The following KCNK2 variants were observed in gnomAD, a reference collection of about 807,000 sequenced individuals.
KCNK2 encodes the protein potassium two pore domain channel subfamily K member 2, also known as potassium channel subfamily K member 2.
KCNK2 carries 21 observed loss-of-function variants against 40.5 expected under a neutral mutation model. The ratio of observed to expected loss-of-function variants is 0.52; its 90% CI spans 0.37 to 0.75. The LOEUF (loss-of-function observed/expected upper bound fraction) is 0.75, where lower values mean the gene tolerates loss of function less well. KCNK2 is among the 30% of genes least tolerant of loss of function. The probability of loss-of-function intolerance (pLI) is 0.00; values close to 1 mark genes in which losing one functional copy is unlikely to be tolerated. For synonymous variants in KCNK2, 191 were observed against 202.2 expected, an observed-to-expected ratio of 0.94 and a Z score of 0.47; for missense variants, 399 against 531.6, an observed-to-expected ratio of 0.75 and a Z score of 2.45.
At chr1:215,172,319 G>A in intron 5 of KCNK2, 136 bp downstream of exon 5, 1 of 736,104 alleles carries the variant, frequency 1.4e-6, no homozygotes, top group Non-Finnish European at 2.2e-6. Context: ...TAAAGTGGGT[G>A]GCTTTAAACA....
At chr1:215,085,765 A>G (rs1558083613) in intron 1 of KCNK2, among the ~76,000 whole-genome samples, 1 of 152,234 alleles carries the variant, frequency 6.6e-6, no homozygotes, top group Non-Finnish European at 1.5e-5. Context: ...CAAAAAGACA[A>G]GATTCGACCA....
At chr1:215,051,143 A>G (rs1416856015) in intron 1 of KCNK2, among the ~76,000 whole-genome samples, 4 of 152,150 alleles carry the variant, frequency 2.6e-5, no homozygotes, top group Admixed American at 2.6e-4. Flanking sequence ...AGGTGCAATC[A>G]TTTTATACCG....
At position 215,010,866 on chromosome 1, in the gene KCNK2, T is replaced by TGTG. The variant is rs1396386615; in HGVS notation, c.34+4911_34+4912insGTG. Reference sequence around the variant, plus strand: ...CAGGACACAGATTTTTTTTTTTTTTTTTTGTGTGTGTGTGTGTGTGTGTGT... The same window carrying TGTG: ...CAGGACACAGATTTTTTTTTTTTTTTGTGTTTGTGTGTGTGTGTGTGTGTGTGT... On this transcript the variant is annotated intron_variant, in intron 1 of 6. Coordinates refer to the KCNK2 transcript ENST00000391895. Among the ~76,000 whole-genome samples the TGTG allele has an allele frequency of 2.7e-4, 38 of 142,790 alleles. 1 individual carries two copies. The highest frequency in any genetic ancestry group is 8.5e-4 in the African/African-American group (33 of 38,976). 93.7% of individuals were successfully genotyped at this position (142,790 alleles called of 152,430 possible).
chr1:215,195,122 C>T, intron 6 of KCNK2, 30 bp downstream of exon 6: 11 of 1,505,910 alleles, frequency 7.3e-6, no homozygotes, highest in Non-Finnish European at 9.9e-6. Flanking sequence ...CAAAAAACTT[C>T]TATTTAGTTA....
chr1:215,086,718 T>C, intron 2 of KCNK2, 40 bp downstream of exon 2: 1 of 1,568,818 alleles, frequency 6.4e-7, no homozygotes, highest in Non-Finnish European at 8.7e-7. Context: ...TTCCCCCAAA[T>C]GGGAAATAAA....
chr1:215,011,373 A>G (rs1346746403), intron 1 of KCNK2, among the ~76,000 whole-genome samples: 2 of 152,142 alleles, frequency 1.3e-5, no homozygotes, highest in African/African-American at 4.8e-5. Context: ...GGCTCACTGC[A>G]TCCTCGACCT....
At chr1:215,105,101 T>G (rs139927180) in intron 2 of KCNK2, among the ~76,000 whole-genome samples, 1 of 152,240 alleles carries the variant, frequency 6.6e-6, no homozygotes, top group Non-Finnish European at 1.5e-5. Context: ...GTTAACAAAT[T>G]TACAAATGTC....
At chr1:215,023,971 C>A (rs774861859) in intron 1 of KCNK2, among the ~76,000 whole-genome samples, 4 of 152,162 alleles carry the variant, frequency 2.6e-5, no homozygotes, top group Non-Finnish European at 4.4e-5. Context: ...CCTAGCTCTG[C>A]GGATTTTCCT....
intron 5 of KCNK2, among the ~76,000 whole-genome samples, chr1:215,187,507 C>CA (rs1664489745): frequency 6.6e-6 from 1 of 150,972 alleles, no homozygotes; most frequent in African/African-American, 2.5e-5. Flanking sequence ...TGCTTTTTTA[C>CA]AACTTGTCTT....
At chr1:215,214,321 C>T (rs1665869875) in intron 6 of KCNK2, among the ~76,000 whole-genome samples, 1 of 152,100 alleles carries the variant, frequency 6.6e-6, no homozygotes. Context: ...CCAGATCTTA[C>T]AGTAACTCAC....
chr1:215,236,045 A>AATCTATCTATCTATCT lies in KCNK2; in HGVS notation c.*938_*953dup, dbSNP rs1553277248. On this transcript the variant is annotated 3_prime_UTR_variant, in exon 7 of 7. Coordinates refer to ENST00000444842, the MANE Select transcript of KCNK2 (RefSeq NM_001017425.3). Reference sequence around the variant, plus strand: ...TACATTTTTAAAGGCAGAAGAAGAAAATCTATCTATCTATCTATCTATCTA... The same window carrying AATCTATCTATCTATCT: ...TACATTTTTAAAGGCAGAAGAAGAAAATCTATCTATCTATCTATCTATCTATCTATCTATCTATCTA... 8.3e-5 allele frequency: 12 copies of AATCTATCTATCTATCT among 144,404 alleles called. No individual in the cohort carries two copies. Among genetic ancestry groups the AATCTATCTATCTATCT allele is most frequent in the South Asian group, 4.3e-4 (2 of 4,604 alleles). The allele number at this position is 144,404 out of a possible 1,614,324, so 8.9% of individuals were successfully genotyped here.
chr1:215,008,862 T>C lies in KCNK2; in HGVS notation c.34+2907T>C, dbSNP rs913467547. Among the ~76,000 whole-genome samples the C allele has an allele frequency of 2.0e-5, 3 of 151,944 alleles. No individual in the cohort carries two copies. The East Asian group carries it at 5.8e-4, about 29-fold the overall frequency. ...AAATGAGTAAGGGAATCAGAATGCA[T>C]GCTTTTTTTTTAAAGAAAGTAATGT... On this transcript the variant is annotated intron_variant, in intron 1 of 6. Transcript: ENST00000391895.
At chr1:215,206,229 A>T (rs1665310198) in intron 6 of KCNK2, among the ~76,000 whole-genome samples, 1 of 152,198 alleles carries the variant, frequency 6.6e-6, no homozygotes. Context: ...CCATAAGAAG[A>T]AATATTGAAC....
At chr1:215,214,526 G>T (rs1438955229) in intron 6 of KCNK2, among the ~76,000 whole-genome samples, 1 of 152,150 alleles carries the variant, frequency 6.6e-6, no homozygotes, top group African/African-American at 2.4e-5. Flanking sequence ...TGGGTATGTT[G>T]TCTCACAAAG....
At chr1:215,148,265 G>A (rs11120510) in intron 3 of KCNK2, among the ~76,000 whole-genome samples, 1,881 of 150,672 alleles carry the variant, frequency 0.012, 43 homozygotes, top group African/African-American at 0.043. Context: ...TTCAAAGATG[G>A]GGTTTCTCCA....
chr1:215,084,255 A>G (rs762662509), intron 1 of KCNK2, among the ~76,000 whole-genome samples: 30 of 151,738 alleles, frequency 2.0e-4, no homozygotes, highest in Non-Finnish European at 3.5e-4. Context: ...CAAAAAGCAT[A>G]TAATGGCCAT....
At chr1:215,081,191 G>GTGTGTGTA (rs1233642288), upstream of KCNK2, among the ~76,000 whole-genome samples, 36 of 148,192 alleles carry the variant, frequency 2.4e-4, no homozygotes, top group Admixed American at 4.7e-4. Context: ...GTGTGTGTGT[G>GTGTGTGTA]TGTGTACATA....
chr1:215,064,016 G>C (rs796771566), intron 1 of KCNK2, among the ~76,000 whole-genome samples: 1 of 152,306 alleles, frequency 6.6e-6, no homozygotes, highest in African/African-American at 2.4e-5. Context: ...GAGTTTAAAC[G>C]TAGGAAAAGT....
intron 1 of KCNK2, among the ~76,000 whole-genome samples, chr1:215,013,657 A>G (rs1047888592): frequency 2.6e-5 from 4 of 152,168 alleles, no homozygotes; most frequent in Non-Finnish European, 5.9e-5. Flanking sequence ...TTAGATTAAT[A>G]TCTAGGTATT....
Sources: gnomAD v4.1 joint callset for allele counts (sites outside exome capture counted in the v4.1 genomes callset) on GRCh38, gnomAD v4.1.1 for gene constraint, MANE v1.5 for transcripts, NCBI Gene and HGNC (gene_info 2026-07-23, HGNC 2026-07-21) for gene names.